The following TMEM132D variants were observed in gnomAD, a reference collection of about 807,000 sequenced individuals.
TMEM132D encodes the protein mature OL transmembrane protein.
Under a neutral mutation model 62.3 loss-of-function variants are expected in TMEM132D, and 21 were observed. The observed-to-expected ratio is 0.34, with a 90% CI of 0.24 to 0.49. The LOEUF is 0.49. Ranked by LOEUF, TMEM132D falls within the 20% of genes least tolerant of loss-of-function variation. The probability of loss-of-function intolerance (pLI) is 0.99; values close to 1 mark genes in which losing one functional copy is unlikely to be tolerated. For synonymous variants in TMEM132D, 621 were observed against 575.6 expected, an observed-to-expected ratio of 1.08 and a Z score of -1.13; for missense variants, 1,346 against 1,402.8, an observed-to-expected ratio of 0.96 and a Z score of 0.65.
intron 3 of TMEM132D, among the ~76,000 whole-genome samples, chr12:129,421,094 T>A (rs1355989760): frequency 2.0e-5 from 3 of 151,902 alleles, no homozygotes; most frequent in Non-Finnish European, 4.4e-5. Flanking sequence ...CCTGAGTAGC[T>A]GGGATTACAA....
intron 5 of TMEM132D, among the ~76,000 whole-genome samples, chr12:129,090,481 A>G (rs1316402857): frequency 3.3e-5 from 5 of 152,126 alleles, no homozygotes; most frequent in East Asian, 3.9e-4. Context: ...CCTGGCCAAC[A>G]TGGCAAAACC....
At chr12:129,609,146 T>C (rs527511163) in intron 2 of TMEM132D, among the ~76,000 whole-genome samples, 3 of 152,036 alleles carry the variant, frequency 2.0e-5, no homozygotes, top group Non-Finnish European at 4.4e-5. Context: ...GATTTCACCA[T>C]CTTGGTCAGG....
chr12:129,599,097 C>A (rs757422036), intron 2 of TMEM132D, among the ~76,000 whole-genome samples: 50 of 152,172 alleles, frequency 3.3e-4, no homozygotes, highest in Admixed American at 1.0e-3. Context: ...AAGAGGGGAC[C>A]AAGCTGAGGA....
At chr12:129,091,132 G>A (rs548552523) in intron 5 of TMEM132D, among the ~76,000 whole-genome samples, 35 of 152,306 alleles carry the variant, frequency 2.3e-4, no homozygotes, top group East Asian at 1.9e-3. Context: ...ATGATATTCC[G>A]TCAGGCTGGT....
intron 3 of TMEM132D, among the ~76,000 whole-genome samples, chr12:129,501,926 C>T (rs1291924238): frequency 1.3e-5 from 2 of 152,116 alleles, no homozygotes; most frequent in Admixed American, 6.5e-5. Flanking sequence ...ATCCTCAAAC[C>T]GTTACACATT....
At chr12:129,534,422 C>CATAT (rs58530324) in intron 2 of TMEM132D, among the ~76,000 whole-genome samples, 3,913 of 111,740 alleles carry the variant, frequency 0.035, 58 homozygotes, top group Non-Finnish European at 0.053. Flanking sequence ...ATTTTATATA[C>CATAT]ATATATATAT....
chr12:129,810,732 T>G (rs1376237360), intron 1 of TMEM132D, among the ~76,000 whole-genome samples: 1 of 152,150 alleles, frequency 6.6e-6, no homozygotes, highest in Non-Finnish European at 1.5e-5. Flanking sequence ...TAACAAAACA[T>G]TCAAACAAGT....
intron 1 of TMEM132D, among the ~76,000 whole-genome samples, chr12:129,800,277 T>G (rs190209725): frequency 6.6e-6 from 1 of 151,928 alleles, no homozygotes; most frequent in African/African-American, 2.4e-5. Context: ...CAGGGTATAT[T>G]CAGAACCAAA....
chr12:129,673,613 T>C (rs907123037), intron 2 of TMEM132D, among the ~76,000 whole-genome samples: 4 of 152,132 alleles, frequency 2.6e-5, no homozygotes, highest in Non-Finnish European at 5.9e-5. Flanking sequence ...CCAGGCAAAA[T>C]GGTGTTGGAA....
chr12:129,091,969 A>C (rs1476388825), intron 5 of TMEM132D, among the ~76,000 whole-genome samples: 4 of 152,252 alleles, frequency 2.6e-5, no homozygotes, highest in Admixed American at 2.6e-4. Context: ...GTAATGGTCT[A>C]GGTGAGCCGG....
chr12:129,551,949 T>C (rs1366571520), intron 2 of TMEM132D, among the ~76,000 whole-genome samples: 1 of 152,170 alleles, frequency 6.6e-6, no homozygotes, highest in Non-Finnish European at 1.5e-5. Context: ...ATATGACAAG[T>C]AGCATATATG....
chr12:129,719,718 C>G (rs1056303407), intron 1 of TMEM132D, among the ~76,000 whole-genome samples: 1 of 152,242 alleles, frequency 6.6e-6, no homozygotes, highest in African/African-American at 2.4e-5. Context: ...TCAGGGCCTT[C>G]AGCTCCGCAG....
chr12:129,405,782 T>C (rs1182376835), intron 3 of TMEM132D, among the ~76,000 whole-genome samples: 1 of 152,128 alleles, frequency 6.6e-6, no homozygotes, highest in African/African-American at 2.4e-5. Flanking sequence ...CCTGCTTCCA[T>C]TGCAACCCCT....
chr12:129,150,239 G>A (rs1417545276), intron 5 of TMEM132D, among the ~76,000 whole-genome samples: 1 of 152,200 alleles, frequency 6.6e-6, no homozygotes, highest in Non-Finnish European at 1.5e-5. Context: ...GCCCCATCCA[G>A]AGTGTGCTGG....
intron 3 of TMEM132D, among the ~76,000 whole-genome samples, chr12:129,419,799 A>C (rs544326042): frequency 5.3e-4 from 80 of 151,542 alleles, no homozygotes; most frequent in African/African-American, 1.7e-3. Flanking sequence ...TAAAATGCCA[A>C]GTCTATGGCC....
intron 1 of TMEM132D, among the ~76,000 whole-genome samples, chr12:129,865,685 T>C (rs1297406060): frequency 1.3e-5 from 2 of 152,214 alleles, no homozygotes; most frequent in African/African-American, 4.8e-5. Flanking sequence ...ACACGGAATA[T>C]ACTGAACGCA....
At chr12:129,719,981 T>C (rs1868760500) in intron 1 of TMEM132D, among the ~76,000 whole-genome samples, 1 of 151,992 alleles carries the variant, frequency 6.6e-6, no homozygotes, top group Non-Finnish European at 1.5e-5. Context: ...AAAATAAAAA[T>C]CTCAAGCGGG....
chr12:129,780,041 G>A (rs902576699), intron 1 of TMEM132D, among the ~76,000 whole-genome samples: 4 of 142,370 alleles, frequency 2.8e-5, no homozygotes, highest in African/African-American at 4.9e-5. Flanking sequence ...GTGAAGAGCC[G>A]ACTCCACACC....
chr12:129,334,070 G>A (rs1869199829), intron 4 of TMEM132D, among the ~76,000 whole-genome samples: 2 of 151,974 alleles, frequency 1.3e-5, no homozygotes. Flanking sequence ...GCAATGAGCT[G>A]AGATCACGCC....
Sources: gnomAD v4.1 joint callset for allele counts (sites outside exome capture counted in the v4.1 genomes callset) on GRCh38, gnomAD v4.1.1 for gene constraint, MANE v1.5 for transcripts, NCBI Gene and HGNC (gene_info 2026-07-23, HGNC 2026-07-21) for gene names.